Variants in ILF2 observed in about 807,000 individuals in gnomAD.
ILF2 encodes interleukin enhancer binding factor 2, also known as interleukin enhancer-binding factor 2.
Under a neutral mutation model 55.3 loss-of-function variants are expected in ILF2, and 9 were observed. The observed-to-expected ratio is 0.16, with a 90% confidence interval of 0.10 to 0.28. The LOEUF is 0.28. Ranked by LOEUF, ILF2 falls within the 10% of genes least tolerant of loss-of-function variation. The pLI is 1.00. For synonymous variants in ILF2, 151 were observed against 161.8 expected, an observed-to-expected ratio of 0.93 and a Z score of 0.50; for missense variants, 266 against 474.9, an observed-to-expected ratio of 0.56 and a Z score of 4.09.
At chr1:153,668,925 G>C (rs1571337343) in intron 3 of ILF2, among the ~76,000 whole-genome samples, 1 of 151,546 alleles carries the variant, frequency 6.6e-6, no homozygotes, top group Admixed American at 6.6e-5. Flanking sequence ...CAAAGGCCAG[G>C]CACAGTGGGT....
chr1:153,663,956 T>TTACTAC (rs10598064), intron 10 of ILF2, 87 bp downstream of exon 10: 971 of 423,060 alleles, frequency 2.3e-3, no homozygotes, highest in South Asian at 6.2e-3. Context: ...AATTTCAGAG[T>TTACTAC]TACTACTACT....
chr1:153,670,890 A>C (rs1385870049), intron 1 of ILF2, 28 bp downstream of exon 1: 4 of 1,613,992 alleles, frequency 2.5e-6, no homozygotes, highest in South Asian at 2.2e-5. Flanking sequence ...GAATACCTGA[A>C]ACCTTTCGAC....
rs778242070 is a variant in ILF2, at chr1:153,662,792, T to C, written c.925A>G (p.Met309Val). ...HTVMTLEQQD[M>V]VCYTAQTLVR... ...AGAGTCTGAGCTGTATAGCAGACCA[T>C]GTCCTGAAGGAAAGCAAAGTGAGAG... is the stretch of plus-strand genomic sequence containing the variant. Residue 309 changes from methionine (M) to valine (V), a missense_variant, in exon 13 of 14, where the codon ATG becomes GTG. Transcript: ENST00000361891. 9 of 1,613,748 alleles carry C rather than the reference T, an allele frequency of 5.6e-6. No homozygotes were observed. The Admixed American group carries it at 8.3e-5, about 15-fold the overall frequency.
chr1:153,670,416 AC>A (rs1669413284), intron 1 of ILF2, among the ~76,000 whole-genome samples, 186 bp from the exon 2 acceptor site: 1 of 151,586 alleles, frequency 6.6e-6, no homozygotes, highest in African/African-American at 2.4e-5. Flanking sequence ...AGTTAATCCA[AC>A]CCCCATCAAG....
intron 5 of ILF2, among the ~76,000 whole-genome samples, 170 bp downstream of exon 5, chr1:153,667,830 T>C (rs761481154): frequency 3.9e-5 from 6 of 152,166 alleles, no homozygotes; most frequent in Non-Finnish European, 7.4e-5. Flanking sequence ...AGCATAACAA[T>C]GATACAAGTC....
chr1:153,662,865 AAC>A (rs1258080387), intron 12 of ILF2, 70 bp from the exon 13 acceptor site: 3 of 1,406,882 alleles, frequency 2.1e-6, no homozygotes, highest in African/African-American at 1.4e-5. Flanking sequence ...CCCTTCTGAA[AAC>A]AGAGATTAAG....
rs1669345949 is a variant in ILF2, at chr1:153,667,655, T to C, written c.294A>G (p.Gln98=). Reference sequence around the variant, plus strand: ...ATCCCACCTGTCGAACTTCTTCAATTTGCTGTTGGAAAAAGGATTTCGGGG... The same window carrying C: ...ATCCCACCTGTCGAACTTCTTCAATCTGCTGTTGGAAAAAGGATTTCGGGG... ...LIVAPGTFEV[Q]IEEVRQVGSY... Residue 98 remains glutamine, a splice_region_variant and synonymous_variant, in exon 6 of 14, where the codon CAA becomes CAG. Coordinates refer to ENST00000361891, the MANE Select transcript of ILF2 (RefSeq NM_004515.4). 6.3e-7 allele frequency: 1 copy of C among 1,591,824 alleles called. No homozygotes were observed. Among genetic ancestry groups the C allele is most frequent in the African/African-American group, 1.4e-5 (1 of 73,870 alleles).
intron 6 of ILF2, 63 bp from the exon 7 acceptor site, chr1:153,665,791 C>G (rs1255770984): frequency 1.6e-6 from 2 of 1,260,088 alleles, no homozygotes; most frequent in African/African-American, 1.5e-5. Flanking sequence ...CTATGTATCT[C>G]TAAGCTACTT....
chr1:153,662,818 T>G, intron 12 of ILF2, 23 bp from the exon 13 acceptor site: 1 of 1,596,170 alleles, frequency 6.3e-7, no homozygotes, highest in South Asian at 1.1e-5. Context: ...AAAGTGAGAG[T>G]AAGCAAGGAA....
rs141277413 is a variant in ILF2, at chr1:153,668,377, C to T, written c.213+76G>A. 245 of 1,555,462 alleles carry T rather than the reference C, an allele frequency of 1.6e-4. 1 individual carries two copies. In the Middle Eastern group the frequency reaches 1.7e-3, roughly 11 times the overall value. On this transcript the variant is annotated intron_variant, in intron 4 of 13. Coordinates refer to ENST00000361891, the MANE Select transcript of ILF2 (RefSeq NM_004515.4). ...AGGCTCTGTTAACACCATTCTTAAC[C>T]TTACCAACAGTTACTCTTTACCAAT... is the stretch of plus-strand genomic sequence containing the variant.
rs1264799495 is a variant in ILF2, at chr1:153,667,691, T to A, written c.292-34A>T. The A allele has an allele frequency of 2.7e-6, 4 of 1,496,608 alleles. No individual in the cohort carries two copies. The South Asian group carries it at 3.5e-5, about 13-fold the overall frequency. 92.7% of individuals were successfully genotyped at this position (1,496,608 alleles called of 1,614,324 possible). A position where few individuals can be genotyped will look rare whatever the true frequency, so the allele number is the denominator to read the frequency against. ...AAAAGGATTTCGGGGAAAAACAATTTAGAAGAAAAAAAGGTGCCTAGGTCC... is the reference window on the plus strand; with the variant it reads ...AAAAGGATTTCGGGGAAAAACAATTAAGAAGAAAAAAAGGTGCCTAGGTCC... On this transcript the variant is annotated intron_variant, in intron 5 of 13. Coordinates refer to ENST00000361891, the MANE Select transcript of ILF2 (RefSeq NM_004515.4).
rs749472870 is a variant in ILF2, at chr1:153,668,524, G to A, written c.142C>T (p.Pro48Ser). ...GCCTCACTGAAGGAAGTTTCATCAGGTGCTGGCTTGACCCGGGGAAAGGCC... is the reference window on the plus strand; with the variant it reads ...GCCTCACTGAAGGAAGTTTCATCAGATGCTGGCTTGACCCGGGGAAAGGCC... ...EMAFPRVKPA[P>S]DETSFSEALL... Residue 48 changes from proline to serine, a missense_variant, in exon 4 of 14, where the codon CCT (proline) becomes TCT (serine). Pro to Ser is a moderately conservative substitution (Grantham distance 74, BLOSUM62 -1). Transcript: ENST00000361891. The A allele has an allele frequency of 6.2e-6, 10 of 1,614,074 alleles. No homozygotes were observed. Among genetic ancestry groups the A allele is most frequent in the South Asian group, 3.3e-5 (3 of 91,050 alleles).
intron 6 of ILF2, 144 bp downstream of exon 6, chr1:153,667,411 C>A: frequency 1.5e-6 from 1 of 686,596 alleles, no homozygotes; most frequent in South Asian, 1.7e-5. Context: ...TAGTGGAGGT[C>A]AAGGCTGCAG....
chr1:153,670,833 T>G (rs1315465678), intron 1 of ILF2, 85 bp downstream of exon 1: 1 of 1,532,830 alleles, frequency 6.5e-7, no homozygotes, highest in East Asian at 2.2e-5. Flanking sequence ...CATGGCCCTT[T>G]CTGATACTCC....
Position 153,670,987 on chromosome 1 carries a change from T to C in ILF2, c.-65A>G, listed in dbSNP as rs1359749272. ...CCCCTTCCTCTGAGTAGCAGACAAC[T>C]GAAGAGGCGTCTTGCCGGCGTGTCC... On this transcript the variant is annotated 5_prime_UTR_variant, in exon 1 of 14. Coordinates refer to ENST00000361891, the MANE Select transcript of ILF2 (RefSeq NM_004515.4). The C allele has an allele frequency of 1.9e-6, 3 of 1,601,812 alleles. No individual in the cohort carries two copies. Among genetic ancestry groups the C allele is most frequent in the African/African-American group, 2.7e-5 (2 of 74,606 alleles).
At chr1:153,664,969 T>C (rs1016285078) in intron 8 of ILF2, among the ~76,000 whole-genome samples, 1 of 152,236 alleles carries the variant, frequency 6.6e-6, no homozygotes, top group Non-Finnish European at 1.5e-5. Flanking sequence ...TCCCCCTCCA[T>C]AAATATTTTC....
At chr1:153,662,590 G>A in intron 13 of ILF2, 34 bp from the exon 14 acceptor site, 2 of 1,594,276 alleles carry the variant, frequency 1.3e-6, no homozygotes, top group South Asian at 1.1e-5. Context: ...TAGACGAGTA[G>A]CCCAGCATAA....
In ILF2 at chr1:153,670,170, C is replaced by A; in HGVS notation, c.65+1G>T. The A allele has an allele frequency of 6.2e-7, 1 of 1,613,960 alleles. No individual in the cohort carries two copies. Among genetic ancestry groups the A allele is most frequent in the Non-Finnish European group, 8.5e-7 (1 of 1,179,890 alleles). On this transcript the variant is annotated splice_donor_variant, in intron 2 of 13. Transcript: ENST00000361891. LOFTEE classifies it high-confidence loss of function. ...CAGAGATGCTAAAAGCTGGTACTCA[C>A]CCTCCTCCTGGGCCTCCTCTGGAAC...
chr1:153,666,414 C>CAAGGAACA (rs1229435617), intron 6 of ILF2, among the ~76,000 whole-genome samples: 1 of 152,190 alleles, frequency 6.6e-6, no homozygotes, highest in Non-Finnish European at 1.5e-5. Context: ...GAACTCCAGG[C>CAAGGAACA]CTTGGCCTCC....
Sources: allele counts gnomAD v4.1 joint callset (sites outside exome capture counted in the v4.1 genomes callset), GRCh38; gene constraint gnomAD v4.1.1; transcripts MANE v1.5; gene names NCBI Gene and HGNC (gene_info 2026-07-23, HGNC 2026-07-21).